The following SH3PXD2A variants were observed in gnomAD, a reference collection of about 807,000 sequenced individuals.
SH3PXD2A encodes the protein SH3 and PX domains 2A, also known as SH3 and PX domain-containing protein 2A.
SH3PXD2A carries 32 observed loss-of-function variants against 115.2 expected under a neutral mutation model. The ratio of observed to expected loss-of-function variants is 0.28; its 90% CI spans 0.21 to 0.37. SH3PXD2A has a LOEUF of 0.37. Among genes scored for constraint, SH3PXD2A ranks in the 10% least tolerant of loss-of-function variants. SH3PXD2A has a pLI of 1.00. For missense variants in SH3PXD2A, 1,328 were observed against 1,498.7 expected, an observed-to-expected ratio of 0.89 and a Z score of 1.88; for synonymous variants, 610 against 629.1, an observed-to-expected ratio of 0.97 and a Z score of 0.45.
At chr10:103,790,771 A>C (rs540892109) in intron 2 of SH3PXD2A, among the ~76,000 whole-genome samples, 3 of 152,368 alleles carry the variant, frequency 2.0e-5, no homozygotes, top group South Asian at 4.1e-4. Flanking sequence ...GGTACAGGAC[A>C]GGAGAATGCC....
rs564530367 is a variant in SH3PXD2A at position 103,627,603 on chromosome 10, C to T, written c.605-401G>A. On this transcript the variant is annotated intron_variant, in intron 8 of 14. Coordinates refer to ENST00000369774, the MANE Select transcript of SH3PXD2A (RefSeq NM_001394015.1). This position sits in a 1 kb window ranked among gnomAD's most constrained non-coding sequence, Gnocchi z 4.4. ...TTTGCCTGGAGCTTGGCTGCCTTCT[C>T]AGCTTTCAAGCTAAGTGCCTCACAG... Among the ~76,000 whole-genome samples the T allele has an allele frequency of 2.7e-4, 41 of 152,346 alleles. No individual in the cohort carries two copies. The highest frequency in any genetic ancestry group is 9.1e-4 in the African/African-American group (38 of 41,576).
chr10:103,749,492 A>G (rs187687559), intron 3 of SH3PXD2A, among the ~76,000 whole-genome samples: 2 of 152,326 alleles, frequency 1.3e-5, no homozygotes, highest in East Asian at 1.9e-4. Flanking sequence ...CTTCCAGGCT[A>G]CATCTGCTAG....
At position 103,627,110 on chromosome 10, in the gene SH3PXD2A, T is replaced by C. The variant is rs1303116164; in HGVS notation, c.697A>G (p.Asn233Asp). 1 of 1,607,114 alleles carries C rather than the reference T, an allele frequency of 6.2e-7. No homozygotes were observed. Among genetic ancestry groups the C allele is most frequent in the Admixed American group, 1.7e-5 (1 of 59,838 alleles). Residue 233 changes from asparagine (N) to aspartate (D), a missense_variant, in exon 9 of 15, where the codon AAC (asparagine) becomes GAC (aspartate). By Grantham distance (23) the Asn-to-Asp change is conservative. This residue lies in a region of SH3PXD2A where 509 missense variants were observed against 628.3 expected (regional missense o/e 0.81). Transcript: ENST00000369774. This position sits in a 1 kb window ranked among gnomAD's most constrained non-coding sequence, Gnocchi z 4.4. ...QNGTRDDSDI[N>D]TSKTGEVSKR... is the part of the protein sequence containing the mutation. ...TCACCTTCTCCAGTCTTAGAGGTGT[T>C]GATGTCGGAGTCATCCCGAGTACCA...
chr10:103,751,238 A>T (rs1417511400), intron 3 of SH3PXD2A, among the ~76,000 whole-genome samples: 1 of 152,260 alleles, frequency 6.6e-6, no homozygotes, highest in African/African-American at 2.4e-5. Flanking sequence ...TACAAGATAG[A>T]TAGGTCATTC....
At chr10:103,843,079 G>A (rs183001780) in intron 1 of SH3PXD2A, among the ~76,000 whole-genome samples, 7 of 152,282 alleles carry the variant, frequency 4.6e-5, no homozygotes, top group African/African-American at 1.4e-4. Context: ...CAATAGTGCC[G>A]TTTATGGAAC....
chr10:103,758,948 T>A (rs575246264), intron 3 of SH3PXD2A, among the ~76,000 whole-genome samples: 2 of 152,296 alleles, frequency 1.3e-5, no homozygotes, highest in East Asian at 3.9e-4. Context: ...GGTTGCAGTC[T>A]GGTGAAATCT....
At chr10:103,816,997 A>ATTTTTTTTTTTTT (rs56260224) in intron 1 of SH3PXD2A, among the ~76,000 whole-genome samples, 2 of 99,604 alleles carry the variant, frequency 2.0e-5, no homozygotes, top group African/African-American at 3.8e-5. Context: ...CACCCGGCTA[A>ATTTTTTTTTTTTT]TTTTTTTTTT....
intron 1 of SH3PXD2A, among the ~76,000 whole-genome samples, chr10:103,823,319 C>T (rs1404903301): frequency 1.3e-5 from 2 of 152,208 alleles, no homozygotes; most frequent in Non-Finnish European, 2.9e-5. Context: ...GAAGGCAATG[C>T]TGGCTTTGTG....
chr10:103,818,859 T>C (rs2039349416), intron 1 of SH3PXD2A, among the ~76,000 whole-genome samples: 1 of 152,080 alleles, frequency 6.6e-6, no homozygotes. Context: ...GTTCTCCCCT[T>C]CTCTGAAACC....
At chr10:103,853,564 C>T (rs1205779798) in intron 1 of SH3PXD2A, among the ~76,000 whole-genome samples, 1 of 152,214 alleles carries the variant, frequency 6.6e-6, no homozygotes, top group Non-Finnish European at 1.5e-5. Context: ...CTTCAGAACC[C>T]CAGCACGCAA....
intron 1 of SH3PXD2A, among the ~76,000 whole-genome samples, chr10:103,847,760 A>T (rs929112773): frequency 2.0e-5 from 3 of 152,140 alleles, no homozygotes; most frequent in Admixed American, 6.5e-5. Flanking sequence ...CCAACATGGC[A>T]AAACCCCACC....
intron 1 of SH3PXD2A, among the ~76,000 whole-genome samples, chr10:103,802,711 T>TA (rs1161591862): frequency 6.6e-6 from 1 of 152,208 alleles, no homozygotes; most frequent in African/African-American, 2.4e-5. Context: ...AAGACACAGG[T>TA]AAGACCTCTG....
intron 3 of SH3PXD2A, among the ~76,000 whole-genome samples, chr10:103,760,606 TATATAAA>T (rs1251599143): frequency 6.6e-6 from 1 of 150,830 alleles, no homozygotes; most frequent in African/African-American, 2.4e-5. Flanking sequence ...TATATACATG[TATATAAA>T]ATATAAAATA....
intron 5 of SH3PXD2A, among the ~76,000 whole-genome samples, chr10:103,713,136 G>A (rs182697759): frequency 2.0e-3 from 298 of 152,322 alleles, no homozygotes; most frequent in African/African-American, 7.0e-3. Flanking sequence ...GGGCTTCAAA[G>A]TGACCCAAAG....
At position 103,597,733 on chromosome 10, in the gene SH3PXD2A, G is replaced by A. The variant is rs1044245490; in HGVS notation, c.*4083C>T. The A allele has an allele frequency of 2.0e-5, 3 of 152,636 alleles. No homozygotes were observed. Among genetic ancestry groups the A allele is most frequent in the Non-Finnish European group, 4.4e-5 (3 of 68,046 alleles). The allele number at this position is 152,636 out of a possible 1,614,324, so 9.5% of individuals were successfully genotyped here. A position where few individuals can be genotyped will look rare whatever the true frequency, so the allele number is the denominator to read the frequency against. On this transcript the variant is annotated 3_prime_UTR_variant, in exon 15 of 15. Coordinates refer to ENST00000369774, the MANE Select transcript of SH3PXD2A (RefSeq NM_001394015.1). Reference sequence around the variant, plus strand: ...CCTCCATTGTCCCCAATGAGCCCTGGCATCCATCTTGGTAATATTGCACTT... The same window carrying A: ...CCTCCATTGTCCCCAATGAGCCCTGACATCCATCTTGGTAATATTGCACTT...
intron 3 of SH3PXD2A, among the ~76,000 whole-genome samples, chr10:103,763,409 C>G (rs56178332): frequency 0.1 from 15,330 of 152,290 alleles, 822 homozygotes; most frequent in South Asian, 0.14. Context: ...TCTGCTTCCA[C>G]CCCTTGGGAT....
chr10:103,825,322 A>G (rs557879995), intron 1 of SH3PXD2A, among the ~76,000 whole-genome samples: 2 of 152,146 alleles, frequency 1.3e-5, no homozygotes, highest in African/African-American at 2.4e-5. Context: ...TTCCTAGGAC[A>G]GTATCATTTG....
intron 1 of SH3PXD2A, among the ~76,000 whole-genome samples, chr10:103,847,271 G>A (rs974613569): frequency 2.0e-5 from 3 of 151,974 alleles, no homozygotes; most frequent in African/African-American, 7.3e-5. Flanking sequence ...TCAGCCTCCC[G>A]GGTAGCTAGA....
intron 5 of SH3PXD2A, among the ~76,000 whole-genome samples, chr10:103,717,207 C>T (rs1050488829): frequency 6.9e-6 from 1 of 145,762 alleles, no homozygotes; most frequent in Non-Finnish European, 1.5e-5. Context: ...GCTCTGCTCC[C>T]CGAGGTGGGC....
Sources: allele counts gnomAD v4.1 joint callset (sites outside exome capture counted in the v4.1 genomes callset), GRCh38; gene constraint gnomAD v4.1.1; regional missense constraint gnomAD v4.1.1; non-coding constraint Gnocchi (gnomAD v3.1); transcripts MANE v1.5; gene names NCBI Gene and HGNC (gene_info 2026-07-23, HGNC 2026-07-21).